RAB3B: variants seen among roughly 807,000 people sequenced by gnomAD.
The protein encoded by RAB3B is RAB3B, member RAS oncogene family.
A neutral mutation model predicts 20.5 loss-of-function variants in RAB3B; 11 were observed. The observed-to-expected ratio is 0.54, with a 90% CI of 0.34 to 0.89. The LOEUF (loss-of-function observed/expected upper bound fraction) is 0.89. RAB3B is among the 40% of genes least tolerant of loss of function. The pLI is 0.02. For missense variants in RAB3B, 225 were observed against 280.9 expected, an observed-to-expected ratio of 0.80 and a Z score of 1.42; for synonymous variants, 99 against 106.3, an observed-to-expected ratio of 0.93 and a Z score of 0.42.
At chr1:51,935,389 G>A (rs1422494662) in intron 3 of RAB3B, among the ~76,000 whole-genome samples, 3 of 152,200 alleles carry the variant, frequency 2.0e-5, no homozygotes, top group Admixed American at 6.5e-5. Context: ...GCAGGTAGGG[G>A]TGAGACTGAG....
chr1:51,943,958 G>A (rs1374813596), intron 2 of RAB3B, among the ~76,000 whole-genome samples: 5 of 152,224 alleles, frequency 3.3e-5, no homozygotes, highest in Non-Finnish European at 7.3e-5. Flanking sequence ...ATTGATTAGG[G>A]TGGCTACATT....
At chr1:51,937,894 A>C (rs1258752591) in intron 2 of RAB3B, among the ~76,000 whole-genome samples, 2 of 152,170 alleles carry the variant, frequency 1.3e-5, no homozygotes, top group East Asian at 3.8e-4. Flanking sequence ...AATAAGAATA[A>C]TTAAAATCCT....
rs2124219285 is a variant in RAB3B at position 51,914,384 on chromosome 1, C to T, written c.*5543G>A. 1 of 152,258 alleles carries T rather than the reference C, an allele frequency of 6.6e-6. No homozygotes were observed. Among genetic ancestry groups the T allele is most frequent in the East Asian group, 1.9e-4 (1 of 5,184 alleles). 9.4% of individuals were successfully genotyped at this position (152,258 alleles called of 1,614,324 possible). A position where few individuals can be genotyped will look rare whatever the true frequency, so the allele number is the denominator to read the frequency against. ...TTTCTCAAAGGTGATTCCGGTTTCC[C>T]AGTTGAGTGTTCTCACAGCATCACG... On this transcript the variant is annotated 3_prime_UTR_variant, in exon 5 of 5. Coordinates refer to ENST00000371655, the MANE Select transcript of RAB3B (RefSeq NM_002867.4).
chr1:51,931,682 G>A (rs766720740), intron 4 of RAB3B, among the ~76,000 whole-genome samples: 7 of 150,242 alleles, frequency 4.7e-5, no homozygotes, highest in Non-Finnish European at 1.0e-4. Context: ...ATCCAACTGT[G>A]ATGGGTACTG....
chr1:51,920,085 C>G lies in RAB3B; in HGVS notation c.502G>C (p.Glu168Gln). ...AAGGCCTGCCTTACACTGATGTTCTCCTTTGCACTGGCTTCAAAGAAATCA... is the reference window on the plus strand; with the variant it reads ...AAGGCCTGCCTTACACTGATGTTCTGCTTTGCACTGGCTTCAAAGAAATCA... Reference protein sequence around the residue: ...GFDFFEASAKENISVRQAFER... With the variant: ...GFDFFEASAKQNISVRQAFER... Residue 168 changes from glutamate to glutamine, a missense_variant, in exon 5 of 5, where the codon GAG (glutamate) becomes CAG (glutamine). Physicochemically the swap from Glu to Gln is conservative, Grantham distance 29. Coordinates refer to ENST00000371655, the MANE Select transcript of RAB3B (RefSeq NM_002867.4). 6.2e-7 allele frequency: 1 copy of G among 1,612,698 alleles called. No individual in the cohort carries two copies. Among genetic ancestry groups the G allele is most frequent in the Non-Finnish European group, 8.5e-7 (1 of 1,179,084 alleles).
intron 1 of RAB3B, chr1:51,980,625 G>C: frequency 1.3e-6 from 1 of 776,742 alleles, no homozygotes; most frequent in South Asian, 1.3e-5. Context: ...CAGCAGTCAG[G>C]GACATTTCTG....
chr1:51,917,092 C>CCTACTT lies in RAB3B; in HGVS notation c.*2834_*2835insAAGTAG, dbSNP rs1372121708. 1 of 152,208 alleles carries CCTACTT rather than the reference C, an allele frequency of 6.6e-6. No homozygotes were observed. The highest frequency in any genetic ancestry group is 1.5e-5 in the Non-Finnish European group (1 of 68,034). The allele number at this position is 152,208 out of a possible 1,614,324, so 9.4% of individuals were successfully genotyped here. A position where few individuals can be genotyped will look rare whatever the true frequency, so the allele number is the denominator to read the frequency against. On this transcript the variant is annotated 3_prime_UTR_variant, in exon 5 of 5. Coordinates refer to ENST00000371655, the MANE Select transcript of RAB3B (RefSeq NM_002867.4). ...TTATTATGTGACTTTAGAGGTCCAGCTAGAACCTCTTTGTACCTTTGTTTC... is the reference window on the plus strand; with the variant it reads ...TTATTATGTGACTTTAGAGGTCCAGCCTACTTTAGAACCTCTTTGTACCTTTGTTTC...
Position 51,911,628 on chromosome 1 carries a change from A to G in RAB3B, c.*8299T>C, listed in dbSNP as rs1683999987. 1.3e-5 allele frequency: 2 copies of G among 152,090 alleles called. No homozygotes were observed. 9.4% of individuals were successfully genotyped at this position (152,090 alleles called of 1,614,324 possible). A position where few individuals can be genotyped will look rare whatever the true frequency, so the allele number is the denominator to read the frequency against. On this transcript the variant is annotated 3_prime_UTR_variant, in exon 5 of 5. Coordinates refer to ENST00000371655, the MANE Select transcript of RAB3B (RefSeq NM_002867.4). ...CCAAACCAGAATCAGGGTCTAGAAA[A>G]CCAGAGACCACACTCTTTCTCACCT...
chr1:51,937,965 T>C (rs1431108706), intron 2 of RAB3B, among the ~76,000 whole-genome samples: 2 of 151,184 alleles, frequency 1.3e-5, no homozygotes, highest in Non-Finnish European at 2.9e-5. Context: ...GGGTAATTAT[T>C]ACATAAAAAG....
At chr1:51,945,155 AT>A (rs1048035865) in intron 2 of RAB3B, among the ~76,000 whole-genome samples, 2 of 152,150 alleles carry the variant, frequency 1.3e-5, no homozygotes, top group African/African-American at 4.8e-5. Context: ...GATTGTTAGC[AT>A]TTTTTAGCAA....
intron 2 of RAB3B, among the ~76,000 whole-genome samples, chr1:51,972,482 CTTTTTTCTTTTTT>C (rs1353996814): frequency 4.9e-5 from 7 of 141,694 alleles, no homozygotes; most frequent in African/African-American, 1.9e-4. Flanking sequence ...ATGCTTTTTT[CTTTTTTCTTTTTT>C]TTTTTTTTTT....
intron 2 of RAB3B, among the ~76,000 whole-genome samples, chr1:51,946,174 G>C (rs578172456): frequency 3.9e-5 from 6 of 152,300 alleles, no homozygotes; most frequent in Middle Eastern, 3.4e-3. Context: ...GCCTAGCAGA[G>C]CACTGGCCAC....
At chr1:51,980,118 AT>A (rs759625951) in intron 1 of RAB3B, among the ~76,000 whole-genome samples, 22 of 151,194 alleles carry the variant, frequency 1.5e-4, no homozygotes, top group Admixed American at 2.0e-4. Flanking sequence ...TTCCTCCAAT[AT>A]TTTTTCATAC....
At chr1:51,926,434 T>C (rs1429540787) in intron 4 of RAB3B, among the ~76,000 whole-genome samples, 1 of 152,218 alleles carries the variant, frequency 6.6e-6, no homozygotes, top group Non-Finnish European at 1.5e-5. Flanking sequence ...TGACTTGCTT[T>C]GGCCAATGGA....
intron 1 of RAB3B, among the ~76,000 whole-genome samples, chr1:51,986,744 A>G (rs1484793869): frequency 6.6e-6 from 1 of 152,212 alleles, no homozygotes; most frequent in Non-Finnish European, 1.5e-5. Context: ...AGGTGGTGTG[A>G]GAACGGGGAG....
intron 3 of RAB3B, 120 bp from the exon 4 acceptor site, chr1:51,933,562 G>T: frequency 1.1e-6 from 1 of 920,720 alleles, no homozygotes; most frequent in Non-Finnish European, 1.6e-6. Context: ...TGGAGGTGGA[G>T]TCTTCGGGAT....
At position 51,912,628 on chromosome 1, in the gene RAB3B, T is replaced by A. The variant is rs1684022615; in HGVS notation, c.*7299A>T. 1 of 131,622 alleles carries A rather than the reference T, an allele frequency of 7.6e-6. No individual in the cohort carries two copies. Among genetic ancestry groups the A allele is most frequent in the Admixed American group, 8.2e-5 (1 of 12,240 alleles). The allele number at this position is 131,622 out of a possible 1,614,324, so 8.2% of individuals were successfully genotyped here. A position where few individuals can be genotyped will look rare whatever the true frequency, so the allele number is the denominator to read the frequency against. On this transcript the variant is annotated 3_prime_UTR_variant, in exon 5 of 5. Transcript: ENST00000371655. ...AAAATGTTACTCCTGTGAGACAGAA[T>A]GGACTAGAGTGGAGTAATTACGTAA...
chr1:51,984,376 T>C (rs1207526292), intron 1 of RAB3B, among the ~76,000 whole-genome samples: 1 of 140,306 alleles, frequency 7.1e-6, no homozygotes, highest in Non-Finnish European at 1.5e-5. Context: ...AGATGTGTCA[T>C]AAGACCAATT....
chr1:51,934,775 CAAAAAAAAAAAAA>C (rs34750673), intron 3 of RAB3B, among the ~76,000 whole-genome samples: 5 of 69,904 alleles, frequency 7.2e-5, no homozygotes, highest in Non-Finnish European at 1.3e-4. Context: ...GACTCCATCT[CAAAAAAAAAAAAA>C]AAAAAAAAAA....
Sources: gnomAD v4.1 joint callset for allele counts (sites outside exome capture counted in the v4.1 genomes callset) on GRCh38, gnomAD v4.1.1 for gene constraint, MANE v1.5 for transcripts, NCBI Gene and HGNC (gene_info 2026-07-23, HGNC 2026-07-21) for gene names.